The following PCDH15 variants were observed in gnomAD, a reference collection of about 807,000 sequenced individuals.
The protein encoded by PCDH15 is protocadherin related 15, also known as protocadherin-15.
In PCDH15, 129 loss-of-function variants were observed where a neutral mutation model predicts 178.5. That is an observed-to-expected ratio of 0.72 (90% confidence interval 0.63 to 0.84). PCDH15 has a LOEUF of 0.84. Ranked by LOEUF, PCDH15 falls within the 40% of genes least tolerant of loss-of-function variation. The probability of loss-of-function intolerance (pLI) is 0.00; values close to 1 mark genes in which losing one functional copy is unlikely to be tolerated. For missense variants in PCDH15, 2,230 were observed against 2,099.9 expected, an observed-to-expected ratio of 1.06 and a Z score of -1.21; for synonymous variants, 800 against 732.0, an observed-to-expected ratio of 1.09 and a Z score of -1.50.
At chr10:54,182,110 G>A (rs2048041450) in intron 13 of PCDH15, among the ~76,000 whole-genome samples, 1 of 152,040 alleles carries the variant, frequency 6.6e-6, no homozygotes, top group South Asian at 2.1e-4. Context: ...GGCGCATGCC[G>A]CCACGTCCGG....
intron 15 of PCDH15, among the ~76,000 whole-genome samples, chr10:54,090,643 CAAA>C (rs34617225): frequency 2.1e-3 from 248 of 118,072 alleles, no homozygotes; most frequent in African/African-American, 6.7e-3. Flanking sequence ...GATCTTGTCT[CAAA>C]AAAAAAAAAA....
At chr10:54,796,327 T>A (rs1952011015) in intron 1 of PCDH15, among the ~76,000 whole-genome samples, 1 of 151,154 alleles carries the variant, frequency 6.6e-6, no homozygotes, top group African/African-American at 2.4e-5. Context: ...TCTATCATCA[T>A]CATCTAGGTA....
intron 3 of PCDH15, among the ~76,000 whole-genome samples, chr10:54,487,498 T>C (rs2079194545): frequency 6.6e-6 from 1 of 152,032 alleles, no homozygotes; most frequent in African/African-American, 2.4e-5. Context: ...TTTATACAAA[T>C]AAAAATAAAT....
chr10:54,946,535 T>C (rs1384024633), intron 2 of PCDH15, among the ~76,000 whole-genome samples: 1 of 151,832 alleles, frequency 6.6e-6, no homozygotes, highest in Non-Finnish European at 1.5e-5. Context: ...TAAATAATGT[T>C]GATTGCTGGG....
intron 2 of PCDH15, among the ~76,000 whole-genome samples, chr10:55,330,557 T>G (rs142950385): frequency 2.0e-5 from 3 of 151,916 alleles, no homozygotes; most frequent in Admixed American, 6.6e-5. Context: ...CAAGTCCTAA[T>G]ACATTATTGG....
At chr10:54,225,425 A>T (rs553891887) in intron 9 of PCDH15, among the ~76,000 whole-genome samples, 3 of 152,202 alleles carry the variant, frequency 2.0e-5, no homozygotes, top group African/African-American at 7.2e-5. Flanking sequence ...TTCTCTACAC[A>T]TTTTCCAAGT....
At chr10:54,603,779 T>G (rs546856941) in intron 2 of PCDH15, among the ~76,000 whole-genome samples, 1 of 152,052 alleles carries the variant, frequency 6.6e-6, no homozygotes, top group East Asian at 1.9e-4. Flanking sequence ...GCCTGTACAC[T>G]CCACCTATCT....
intron 3 of PCDH15, among the ~76,000 whole-genome samples, chr10:54,436,006 G>GAAAAGAAAAGAAAA (rs1565269988): frequency 1.7e-5 from 2 of 116,070 alleles, no homozygotes; most frequent in African/African-American, 8.4e-5. Flanking sequence ...GAAAAGAAGA[G>GAAAAGAAAAGAAAA]GAGAGGAGAG....
chr10:54,158,186 ATTAG>A (rs1355044187), intron 13 of PCDH15, among the ~76,000 whole-genome samples: 1 of 152,180 alleles, frequency 6.6e-6, no homozygotes, highest in African/African-American at 2.4e-5. Context: ...AATTTACTGT[ATTAG>A]TTAATTTTCA....
At chr10:55,312,792 T>G (rs1401903733) in intron 1 of PCDH15, among the ~76,000 whole-genome samples, 4 of 152,062 alleles carry the variant, frequency 2.6e-5, no homozygotes, top group African/African-American at 9.7e-5. Flanking sequence ...TAATTTTGCA[T>G]TTTTAGTAGA....
chr10:55,410,426 C>T (rs1838302807), intron 2 of PCDH15, among the ~76,000 whole-genome samples: 1 of 152,030 alleles, frequency 6.6e-6, no homozygotes, highest in South Asian at 2.1e-4. Context: ...CTGGATTTCA[C>T]TCTGGAGTTC....
chr10:54,006,018 A>G (rs962052744), intron 20 of PCDH15, among the ~76,000 whole-genome samples: 3 of 152,264 alleles, frequency 2.0e-5, no homozygotes, highest in African/African-American at 7.2e-5. Flanking sequence ...GACATAATCA[A>G]TGAAGGTTAA....
At chr10:53,960,811 G>A (rs1449042761) in intron 22 of PCDH15, among the ~76,000 whole-genome samples, 10 of 152,136 alleles carry the variant, frequency 6.6e-5, no homozygotes, top group African/African-American at 2.4e-4. Context: ...TGATCCTTAC[G>A]TGGTTAACTG....
intron 2 of PCDH15, among the ~76,000 whole-genome samples, chr10:54,999,155 T>C (rs978699046): frequency 1.2e-4 from 18 of 152,142 alleles, no homozygotes; most frequent in African/African-American, 4.1e-4. Flanking sequence ...TCATCATTTG[T>C]TCTGTTTATC....
chr10:55,476,651 A>T (rs745858534), intron 2 of PCDH15, among the ~76,000 whole-genome samples: 13 of 152,056 alleles, frequency 8.5e-5, no homozygotes, highest in Non-Finnish European at 1.6e-4. Flanking sequence ...GAAAAAAATC[A>T]GGTGGATTGA....
At chr10:54,672,401 G>GTGTA (rs2094691924) in intron 1 of PCDH15, among the ~76,000 whole-genome samples, 1 of 152,170 alleles carries the variant, frequency 6.6e-6, no homozygotes, top group Middle Eastern at 3.4e-3. Flanking sequence ...TGCTTCTAAT[G>GTGTA]TGTAGAATAT....
chr10:54,334,095 T>C (rs1940489172), intron 6 of PCDH15, among the ~76,000 whole-genome samples: 1 of 152,140 alleles, frequency 6.6e-6, no homozygotes, highest in Admixed American at 6.6e-5. Context: ...ACTGTATTAA[T>C]GAGAAAAATC....
chr10:53,968,790 C>A lies in PCDH15; in HGVS notation c.2869-6898G>T, dbSNP rs556859139. 1.3e-4 allele frequency among the ~76,000 whole-genome samples: 20 copies of A among 152,272 alleles called. No homozygotes were observed. In the East Asian group the frequency reaches 3.7e-3, roughly 28 times the overall value. On this transcript the variant is annotated intron_variant, in intron 21 of 37. Coordinates refer to ENST00000644397, the MANE Select transcript of PCDH15 (RefSeq NM_001384140.1). Reference sequence around the variant, plus strand: ...TCCAACAGTCCAGCAGCTGACGGTCCTGACTGTTAGAACGAAAACTAACAA... The same window carrying A: ...TCCAACAGTCCAGCAGCTGACGGTCATGACTGTTAGAACGAAAACTAACAA...
intron 2 of PCDH15, among the ~76,000 whole-genome samples, chr10:55,601,212 A>C (rs1183198920): frequency 6.6e-6 from 1 of 152,226 alleles, no homozygotes; most frequent in African/African-American, 2.4e-5. Context: ...GTGCTGTGAG[A>C]GAGTTGTGAA....
Sources: allele counts gnomAD v4.1 joint callset (sites outside exome capture counted in the v4.1 genomes callset), GRCh38; gene constraint gnomAD v4.1.1; transcripts MANE v1.5; gene names NCBI Gene and HGNC (gene_info 2026-07-23, HGNC 2026-07-21).